Variants in ZNF345 observed in about 807,000 individuals in gnomAD.
ZNF345 encodes zinc finger protein 345.
For missense variants in ZNF345, 527 were observed against 589.9 expected (o/e 0.89, Z 1.10); for synonymous variants, 166 against 187.9 (o/e 0.88, Z 0.95).
At chr19:36,883,216 G>A (rs2072978672), downstream of ZNF345, among the ~76,000 whole-genome samples, 1 of 152,148 alleles carries the variant, frequency 6.6e-6, no homozygotes, top group Non-Finnish European at 1.5e-5. Flanking sequence ...CAATTTCTAT[G>A]AAATCACCTT....
chr19:36,887,187 CCACCACCACCAA>C (rs1482829291), intron 3 of ZNF345, among the ~76,000 whole-genome samples: 4 of 151,290 alleles, frequency 2.6e-5, no homozygotes, highest in Non-Finnish European at 5.9e-5. Flanking sequence ...ACCACCACCA[CCACCACCACCAA>C]CAACAACAAA....
chr19:36,892,225 T>C lies in ZNF345; in HGVS notation c.47-593T>C, dbSNP rs201165537. The C allele has an allele frequency of 5.3e-4, 860 of 1,614,128 alleles. 9 individuals are homozygous for C. The South Asian group carries it at 8.2e-3, about 15-fold the overall frequency. Reference sequence around the variant, plus strand: ...TGAGCCACGACTAAAGGACTTCCCATACTCCTTAGATTCATAGTGTTTTTC... The same window carrying C: ...TGAGCCACGACTAAAGGACTTCCCACACTCCTTAGATTCATAGTGTTTTTC... On this transcript the variant is annotated intron_variant, in intron 3 of 3. Transcript: ENST00000526123.
intron 1 of ZNF345, chr19:36,851,409 G>A (rs2072261756): frequency 6.6e-6 from 1 of 152,294 alleles, no homozygotes; most frequent in African/African-American, 2.4e-5. Flanking sequence ...GTATGTCACT[G>A]GGAATTTGAG....
downstream of ZNF345, among the ~76,000 whole-genome samples, chr19:36,881,945 T>C (rs2072970610): frequency 6.6e-6 from 1 of 152,072 alleles, no homozygotes; most frequent in Non-Finnish European, 1.5e-5. Context: ...GAATTGGCTT[T>C]CAGTTTTCAG....
intron 2 of ZNF345, among the ~76,000 whole-genome samples, chr19:36,860,328 A>G (rs1299282558): frequency 6.6e-6 from 1 of 152,238 alleles, no homozygotes; most frequent in Admixed American, 6.5e-5. Context: ...CAGTACAGTT[A>G]TTAAAATTTT....
At chr19:36,886,543 G>A (rs941275862) in intron 3 of ZNF345, among the ~76,000 whole-genome samples, 14 of 152,140 alleles carry the variant, frequency 9.2e-5, no homozygotes, top group African/African-American at 3.4e-4. Flanking sequence ...AATAGTTAAG[G>A]TCATTTAAAA....
chr19:36,859,486 CTTTTG>C (rs2072498547), intron 2 of ZNF345, among the ~76,000 whole-genome samples: 2 of 151,074 alleles, frequency 1.3e-5, no homozygotes, highest in South Asian at 4.2e-4. Flanking sequence ...TTCACCAGTT[CTTTTG>C]TTTTTTTTTT....
At chr19:36,875,944 A>G (rs543026486) in intron 2 of ZNF345, among the ~76,000 whole-genome samples, 28 of 152,310 alleles carry the variant, frequency 1.8e-4, no homozygotes, top group African/African-American at 6.0e-4. Flanking sequence ...TGTGATCAGA[A>G]TCATTCCATA....
At chr19:36,871,428 CT>C (rs551010683) in intron 2 of ZNF345, among the ~76,000 whole-genome samples, 4 of 151,980 alleles carry the variant, frequency 2.6e-5, no homozygotes, top group African/African-American at 7.2e-5. Context: ...CACACATACA[CT>C]TTTTTTTGTG....
intron 2 of ZNF345, among the ~76,000 whole-genome samples, chr19:36,865,178 A>G (rs2072633423): frequency 6.6e-6 from 1 of 152,162 alleles, no homozygotes; most frequent in African/African-American, 2.4e-5. Flanking sequence ...AGCATGCCAG[A>G]ACCAGAAAGG....
chr19:36,876,873 A>C lies in ZNF345; in HGVS notation c.43A>C (p.Arg15=), dbSNP rs2072890813. 1 of 1,613,606 alleles carries C rather than the reference A, an allele frequency of 6.2e-7. No individual in the cohort carries two copies. The highest frequency in any genetic ancestry group is 1.3e-5 in the African/African-American group (1 of 74,902). ...ACACAGCATTGAGTGTTCAAGTTTCAGAGGTGATTGGGAATGTAAAAACCA... is the reference window on the plus strand; with the variant it reads ...ACACAGCATTGAGTGTTCAAGTTTCCGAGGTGATTGGGAATGTAAAAACCA... ...TKHSIECSSF[R]GDWECKNQFE... is the part of the protein sequence containing the mutation. The change falls in exon 3 of 3, where the codon AGA becomes CGA. Residue 15 remains arginine (R), a synonymous_variant. Coordinates refer to ENST00000420450, the MANE Select transcript of ZNF345 (RefSeq NM_001242472.2).
At chr19:36,854,823 T>A (rs1351546770) in intron 2 of ZNF345, among the ~76,000 whole-genome samples, 1 of 151,990 alleles carries the variant, frequency 6.6e-6, no homozygotes, top group African/African-American at 2.4e-5. Context: ...CTTTTACTCT[T>A]CTCACTTATC....
intron 2 of ZNF345, among the ~76,000 whole-genome samples, chr19:36,873,804 C>T (rs1378087420): frequency 6.6e-6 from 1 of 151,930 alleles, no homozygotes; most frequent in African/African-American, 2.4e-5. Context: ...TGTCAAATGG[C>T]AGGATCTCTT....
chr19:36,877,878 A>C lies in ZNF345; in HGVS notation c.1048A>C (p.Thr350Pro). The change falls in exon 3 of 3, where the codon ACC becomes CCC. Residue 350 changes from threonine (T) to proline (P), a missense_variant. Physicochemically the swap from Thr to Pro is conservative, Grantham distance 38 (BLOSUM62 -1). Coordinates refer to ENST00000420450, the MANE Select transcript of ZNF345 (RefSeq NM_001242472.2). The stretch of plus-strand genomic sequence containing the variant: ...TTATGAATGTAAGGAATGTGGGAAG[A>C]CCTTTAGTAGTGGTTCAGACCTTAC... Reference protein sequence around the residue: ...KPYECKECGKTFSSGSDLTQH... With the variant: ...KPYECKECGKPFSSGSDLTQH... 1.2e-6 allele frequency: 2 copies of C among 1,607,090 alleles called. No individual in the cohort carries two copies. Among genetic ancestry groups the C allele is most frequent in the East Asian group, 2.2e-5 (1 of 44,482 alleles).
At chr19:36,854,895 C>G (rs1325287311) in intron 2 of ZNF345, among the ~76,000 whole-genome samples, 1 of 150,366 alleles carries the variant, frequency 6.7e-6, no homozygotes, top group African/African-American at 2.4e-5. Flanking sequence ...TCTCTGTTGC[C>G]CAGGCTGGAG....
chr19:36,876,999 A>G lies in ZNF345; in HGVS notation c.169A>G (p.Thr57Ala), dbSNP rs1440627924. ...TFSIQHQRIH[T>A]DEKLLECKEC... ...CAGTATCCAGCATCAGAGAATTCAT[A>G]CTGATGAGAAACTCCTTGAATGTAA... The change falls in exon 3 of 3, where the codon ACT (threonine) becomes GCT (alanine). Residue 57 changes from threonine to alanine, a missense_variant. By Grantham distance (58) the Thr-to-Ala change is moderately conservative. Coordinates refer to ENST00000420450, the MANE Select transcript of ZNF345 (RefSeq NM_001242472.2). 3.1e-6 allele frequency: 5 copies of G among 1,614,024 alleles called. No individual in the cohort carries two copies. The highest frequency in any genetic ancestry group is 4.2e-6 in the Non-Finnish European group (5 of 1,179,998).
At chr19:36,874,638 G>A (rs892140397) in intron 2 of ZNF345, among the ~76,000 whole-genome samples, 4 of 151,964 alleles carry the variant, frequency 2.6e-5, no homozygotes, top group African/African-American at 9.7e-5. Context: ...AATTAGCCAG[G>A]CGTGGTGGCA....
chr19:36,893,006 A>G, exon 4 of ZNF345: 1 of 410,032 alleles, frequency 2.4e-6, no homozygotes, highest in Non-Finnish European at 4.3e-6. Flanking sequence ...CTAATTATAT[A>G]CACGTTCATA....
chr19:36,875,573 G>C (rs1371935097), intron 2 of ZNF345, among the ~76,000 whole-genome samples: 2 of 152,180 alleles, frequency 1.3e-5, no homozygotes, highest in Non-Finnish European at 2.9e-5. Context: ...GAGCAGAACA[G>C]TTCCAGGCTA....
Sources: gnomAD v4.1 joint callset for allele counts (sites outside exome capture counted in the v4.1 genomes callset) on GRCh38, gnomAD v4.1.1 for gene constraint, MANE v1.5 for transcripts, NCBI Gene and HGNC (gene_info 2026-07-23, HGNC 2026-07-21) for gene names.